Variants in MYO18B observed in about 807,000 individuals in gnomAD.
The protein encoded by MYO18B is myosin XVIIIB.
A neutral mutation model predicts 273.0 loss-of-function variants in MYO18B; 204 were observed. The ratio of observed to expected loss-of-function variants is 0.75; its 90% CI spans 0.67 to 0.84. The LOEUF (loss-of-function observed/expected upper bound fraction) is 0.84. Among genes scored for constraint, MYO18B ranks in the 40% least tolerant of loss-of-function variants. The pLI, the probability that MYO18B is intolerant of heterozygous loss-of-function variation, is 0.00. For missense variants in MYO18B, 3,212 were observed against 3,287.6 expected, an observed-to-expected ratio of 0.98 and a Z score of 0.56; for synonymous variants, 1,330 against 1,305.7, an observed-to-expected ratio of 1.02 and a Z score of -0.40.
Position 25,908,389 on chromosome 22 carries a change from A to G in MYO18B, c.5216A>G (p.Gln1739Arg), listed in dbSNP as rs567367153. The change falls in exon 32 of 44, where the codon CAG (glutamine) becomes CGG (arginine). Residue 1739 changes from glutamine (Q) to arginine (R), a missense_variant. Coordinates refer to ENST00000335473, the MANE Select transcript of MYO18B (RefSeq NM_032608.7). ...KQMHQKDRED[Q>R]EEELEDVRQS... is the part of the protein sequence containing the mutation. ...ATGCACCAGAAGGACCGTGAGGACC[A>G]GGAGGAGGAACTGGAGGATGTCCGT... 1 of 1,602,954 alleles carries G rather than the reference A, an allele frequency of 6.2e-7. No individual in the cohort carries two copies. Among genetic ancestry groups the G allele is most frequent in the East Asian group, 2.3e-5 (1 of 44,442 alleles).
chr22:26,026,691 G>C lies in MYO18B; in HGVS notation c.6717G>C (p.Ser2239=), dbSNP rs766624714. 2 of 1,613,836 alleles carry C rather than the reference G, an allele frequency of 1.2e-6. No homozygotes were observed. Among genetic ancestry groups the C allele is most frequent in the South Asian group, 2.2e-5 (2 of 91,048 alleles). Residue 2239 remains serine (S), a synonymous_variant, in exon 43 of 44, where the codon TCG becomes TCC. Coordinates refer to ENST00000335473, the MANE Select transcript of MYO18B (RefSeq NM_032608.7). ...ASRSTNTSPL[S]REKLPSPSAA... ...GGAGTACAAATACATCCCCGCTGTC[G>C]AGGGAAAAGCTGCCCAGTCCTTCAG...
chr22:25,817,602 G>T (rs942480777), intron 12 of MYO18B, among the ~76,000 whole-genome samples: 6 of 152,016 alleles, frequency 3.9e-5, no homozygotes, highest in Non-Finnish European at 8.8e-5. Context: ...ACCTGGTTAG[G>T]TAACTACTCT....
intron 12 of MYO18B, among the ~76,000 whole-genome samples, chr22:25,803,624 T>A (rs553896856): frequency 1.3e-5 from 2 of 152,276 alleles, no homozygotes; most frequent in South Asian, 4.1e-4. Flanking sequence ...AAGTTTCAGC[T>A]CTGCCTTTTA....
At chr22:25,761,413 A>G (rs992495540) in intron 2 of MYO18B, among the ~76,000 whole-genome samples, 31 of 151,992 alleles carry the variant, frequency 2.0e-4, no homozygotes, top group African/African-American at 7.3e-4. Flanking sequence ...GTGGTAGACC[A>G]GCTGTCCCAG....
chr22:25,992,469 C>T lies in MYO18B; in HGVS notation c.6263C>T (p.Ala2088Val), dbSNP rs765922048. 3 of 1,613,962 alleles carry T rather than the reference C, an allele frequency of 1.9e-6. No homozygotes were observed. The South Asian group carries it at 3.3e-5, about 18-fold the overall frequency. Residue 2088 changes from alanine to valine, a missense_variant, in exon 40 of 44, where the codon GCA (alanine) becomes GTA (valine). Coordinates refer to ENST00000335473, the MANE Select transcript of MYO18B (RefSeq NM_032608.7). ...ADLQAALEEV[A>V]SSDSDTESVQ... ...CTGCAGGCTGCCTTGGAAGAAGTGG[C>T]ATCCAGTGACAGTGATACTGAGAGG... is the stretch of plus-strand genomic sequence containing the variant.
chr22:26,044,532 T>G, the MYO18B span, among the ~76,000 whole-genome samples: 1 of 152,272 alleles, frequency 6.6e-6, no homozygotes. Context: ...ACGTGGAGTG[T>G]CTTATTTAAT....
In MYO18B at chr22:25,792,991, G is replaced by T. The variant is rs138771945; in HGVS notation, c.2377-4962G>T. On this transcript the variant is annotated intron_variant, in intron 11 of 43. Coordinates refer to ENST00000335473, the MANE Select transcript of MYO18B (RefSeq NM_032608.7). ...GTGGACTGGGAGCCCCTTGAGGGCA[G>T]GGTCATACCCGATTAACTTGTTATA... Among the ~76,000 whole-genome samples the T allele has an allele frequency of 2.1e-3, 314 of 152,316 alleles. 3 individuals carry two copies. Among genetic ancestry groups the T allele is most frequent in the South Asian group, 0.013 (62 of 4,822 alleles).
At chr22:25,850,801 A>G (rs1425881885) in intron 20 of MYO18B, among the ~76,000 whole-genome samples, 3 of 152,108 alleles carry the variant, frequency 2.0e-5, no homozygotes, top group Non-Finnish European at 4.4e-5. Context: ...TCCCTGTTCT[A>G]GGTCTTGTCT....
chr22:25,807,802 G>A (rs1385869495), intron 12 of MYO18B, among the ~76,000 whole-genome samples: 7 of 152,088 alleles, frequency 4.6e-5, no homozygotes, highest in Non-Finnish European at 1.0e-4. Context: ...CGTATAGGAT[G>A]GGAGCTATTG....
At chr22:25,786,570 T>G (rs1200404195) in intron 11 of MYO18B, among the ~76,000 whole-genome samples, 1 of 151,864 alleles carries the variant, frequency 6.6e-6, no homozygotes, top group Non-Finnish European at 1.5e-5. Context: ...TTGCAAAACT[T>G]CAAACCACAA....
chr22:25,769,412 G>A lies in MYO18B; in HGVS notation c.1496G>A (p.Ser499Asn), dbSNP rs1221481657. The A allele has an allele frequency of 6.4e-7, 1 of 1,554,324 alleles. No homozygotes were observed. The highest frequency in any genetic ancestry group is 1.2e-5 in the South Asian group (1 of 82,916). Residue 499 changes from serine (S) to asparagine (N), a missense_variant, in exon 4 of 44, where the codon AGC (serine) becomes AAC (asparagine). Physicochemically the swap from Ser to Asn is conservative, Grantham distance 46. Transcript: ENST00000335473. ...APQEEGKGGQSRDSDQAPEDR... is the reference protein window; with the variant it reads ...APQEEGKGGQNRDSDQAPEDR... ...CAGGAGGAGGGCAAAGGAGGCCAGAGCAGAGACTCAGACCAGGTGAGGGGG... is the reference window on the plus strand; with the variant it reads ...CAGGAGGAGGGCAAAGGAGGCCAGAACAGAGACTCAGACCAGGTGAGGGGG...
the MYO18B span, among the ~76,000 whole-genome samples, chr22:26,045,074 G>T: frequency 2.0e-5 from 3 of 147,252 alleles, no homozygotes; most frequent in Admixed American, 6.8e-5. Context: ...TTGGTTTTTG[G>T]TTTTTTTTTT....
intron 29 of MYO18B, chr22:25,901,261 G>T (rs1340573059): frequency 6.6e-6 from 1 of 152,194 alleles, no homozygotes; most frequent in African/African-American, 2.4e-5. Flanking sequence ...TGCCACCAAA[G>T]GCCAAACCCC....
the MYO18B span, among the ~76,000 whole-genome samples, chr22:26,042,016 C>T: frequency 7.2e-5 from 11 of 152,206 alleles, no homozygotes; most frequent in African/African-American, 2.4e-4. Flanking sequence ...GCTGTCATCA[C>T]GGCTCCACCC....
chr22:25,763,291 C>T lies in MYO18B; in HGVS notation c.100C>T (p.Pro34Ser). 1 of 1,613,040 alleles carries T rather than the reference C, an allele frequency of 6.2e-7. No homozygotes were observed. Among genetic ancestry groups the T allele is most frequent in the Non-Finnish European group, 8.5e-7 (1 of 1,179,636 alleles). Residue 34 changes from proline to serine, a missense_variant, in exon 3 of 44, where the codon CCA (proline) becomes TCA (serine). By Grantham distance (74) the Pro-to-Ser change is moderately conservative. Coordinates refer to ENST00000335473, the MANE Select transcript of MYO18B (RefSeq NM_032608.7). Reference protein sequence around the residue: ...SSPPPLFSVIPGGFIKQLVRG... With the variant: ...SSPPPLFSVISGGFIKQLVRG... ...GCCCCCTCCTCTTTTCTCTGTCATC[C>T]CAGGGGGCTTCATTAAGCAACTGGT...
At chr22:25,860,887 A>ATTTTT (rs695541) in intron 21 of MYO18B, among the ~76,000 whole-genome samples, 88 of 142,844 alleles carry the variant, frequency 6.2e-4, no homozygotes, top group African/African-American at 2.0e-3. Flanking sequence ...TATCATTGCT[A>ATTTTT]TTTTTTTTTT....
intron 39 of MYO18B, among the ~76,000 whole-genome samples, chr22:25,981,557 CAGTA>C (rs1170685675): frequency 3.9e-5 from 6 of 152,182 alleles, no homozygotes; most frequent in Non-Finnish European, 5.9e-5. Context: ...TTGGACAACA[CAGTA>C]AGACCCCATC....
At chr22:25,875,779 A>G (rs564141648) in intron 23 of MYO18B, among the ~76,000 whole-genome samples, 23 of 152,312 alleles carry the variant, frequency 1.5e-4, no homozygotes, top group African/African-American at 5.5e-4. Context: ...AGCTAATAAC[A>G]TAATCGTGGA....
chr22:25,879,276 T>C (rs2146210494), intron 25 of MYO18B, among the ~76,000 whole-genome samples: 1 of 152,354 alleles, frequency 6.6e-6, no homozygotes, highest in African/African-American at 2.4e-5. Flanking sequence ...ACTCTCTGGA[T>C]CTTTACAGAA....
Sources: gnomAD v4.1 joint callset for allele counts (sites outside exome capture counted in the v4.1 genomes callset) on GRCh38, gnomAD v4.1.1 for gene constraint, MANE v1.5 for transcripts, NCBI Gene and HGNC (gene_info 2026-07-23, HGNC 2026-07-21) for gene names.